CTDP1: variants seen among roughly 807,000 people sequenced by gnomAD.
CTDP1 encodes CTD phosphatase 1.
A neutral mutation model predicts 91.8 loss-of-function variants in CTDP1; 47 were observed. The ratio of observed to expected loss-of-function variants is 0.51; its 90% CI spans 0.41 to 0.65. The LOEUF (loss-of-function observed/expected upper bound fraction) is 0.65. Ranked by LOEUF, CTDP1 falls within the 30% of genes least tolerant of loss-of-function variation. CTDP1 has a pLI of 0.00. For synonymous variants in CTDP1, 656 were observed against 598.5 expected (o/e 1.10, Z -1.40); for missense variants, 1,272 against 1,373.7 (o/e 0.93, Z 1.17).
In CTDP1 at chr18:79,753,792, C is replaced by CGCGGGCA; in HGVS notation, c.*11_*17dup. The stretch of plus-strand genomic sequence containing the variant: ...GCGGAGCTCAACGACCTCATGTGAG[C>CGCGGGCA]GCGGGCAGCGGGCAGGGACTGAAGC... On this transcript the variant is annotated 3_prime_UTR_variant, in exon 13 of 13. Transcript: ENST00000613122. 1 of 1,612,632 alleles carries CGCGGGCA rather than the reference C, an allele frequency of 6.2e-7. No individual in the cohort carries two copies. The highest frequency in any genetic ancestry group is 8.5e-7 in the Non-Finnish European group (1 of 1,179,794).
intron 5 of CTDP1, among the ~76,000 whole-genome samples, chr18:79,705,135 G>T (rs546291383): frequency 5.9e-5 from 9 of 152,308 alleles, no homozygotes; most frequent in African/African-American, 2.2e-4. Flanking sequence ...TGCGGTACTG[G>T]GTGGGCCGCT....
At position 79,705,151 on chromosome 18, in the gene CTDP1, A is replaced by C. The variant is rs189277002; in HGVS notation, c.772+234A>C. Among the ~76,000 whole-genome samples, 20 of 151,890 alleles carry C rather than the reference A, an allele frequency of 1.3e-4. No homozygotes were observed. The East Asian group carries it at 3.7e-3, about 28-fold the overall frequency. On this transcript the variant is annotated intron_variant, in intron 5 of 12. Coordinates refer to ENST00000613122, the MANE Select transcript of CTDP1 (RefSeq NM_004715.5). ...GCGGTACTGGGTGGGCCGCTTTGGG[A>C]GTTTGTCAGGACCACATGGGCACGT...
In CTDP1 at chr18:79,754,118, G is replaced by A. The variant is rs556118541; in HGVS notation, c.*328G>A. The A allele has an allele frequency of 3.5e-5, 14 of 401,966 alleles. No individual in the cohort carries two copies. Among genetic ancestry groups the A allele is most frequent in the South Asian group, 2.4e-4 (11 of 46,580 alleles). 24.9% of individuals were successfully genotyped at this position (401,966 alleles called of 1,614,324 possible). A position where few individuals can be genotyped will look rare whatever the true frequency, so the allele number is the denominator to read the frequency against. ...GTGTGTTTTCCCCTTGTGTACCAGA[G>A]CACATTCCTTAGGGGACGGCTTTGG... On this transcript the variant is annotated 3_prime_UTR_variant, in exon 13 of 13. Transcript: ENST00000613122.
chr18:79,756,459 T>C (rs756097528), downstream of CTDP1: 1 of 152,262 alleles, frequency 6.6e-6, no homozygotes, highest in Non-Finnish European at 1.5e-5. Flanking sequence ...GTGTGTGTTC[T>C]ACACAAAAGA....
In CTDP1 at chr18:79,713,986, C is replaced by T. The variant is rs1158353181; in HGVS notation, c.1031-505C>T. On this transcript the variant is annotated intron_variant, in intron 7 of 12. Coordinates refer to ENST00000613122, the MANE Select transcript of CTDP1 (RefSeq NM_004715.5). The surrounding 1 kb of genome is among the most constrained non-coding windows in gnomAD (Gnocchi z 4.7). ...GTGGCGCCAGGTCTGCAGGGGCTTACGGCCACGGTGGTGCCAGGTCTGCAG... is the reference window on the plus strand; with the variant it reads ...GTGGCGCCAGGTCTGCAGGGGCTTATGGCCACGGTGGTGCCAGGTCTGCAG... 1.8e-5 allele frequency among the ~76,000 whole-genome samples: 2 copies of T among 108,900 alleles called. No homozygotes were observed. Among genetic ancestry groups the T allele is most frequent in the African/African-American group, 3.1e-5 (1 of 32,376 alleles). 71.4% of individuals were successfully genotyped at this position (108,900 alleles called of 152,430 possible).
At chr18:79,743,028 C>A (rs2086809897) in intron 12 of CTDP1, among the ~76,000 whole-genome samples, 2 of 152,174 alleles carry the variant, frequency 1.3e-5, no homozygotes, top group African/African-American at 2.4e-5. Context: ...GTAACATTTG[C>A]CAGTAGCCGC....
intron 1 of CTDP1, among the ~76,000 whole-genome samples, chr18:79,689,652 G>A (rs1568174915): frequency 1.3e-5 from 2 of 152,250 alleles, no homozygotes; most frequent in Middle Eastern, 3.4e-3. Context: ...GTGATGGTGC[G>A]CACCTGCAGT....
At chr18:79,691,508 G>GGGAGGAGT (rs2085621646) in intron 1 of CTDP1, among the ~76,000 whole-genome samples, 1 of 124,118 alleles carries the variant, frequency 8.1e-6, no homozygotes, top group African/African-American at 2.9e-5. Flanking sequence ...CTCGGGGTGG[G>GGGAGGAGT]GAGGAGTGGA....
chr18:79,714,301 G>A (rs540763350), intron 7 of CTDP1, among the ~76,000 whole-genome samples, 190 bp from the exon 8 acceptor site: 66 of 152,240 alleles, frequency 4.3e-4, no homozygotes, highest in African/African-American at 1.5e-3. Flanking sequence ...TATCCAAAAC[G>A]TCCCTGGTCC....
At chr18:79,728,176 T>C (rs1411423152) in intron 10 of CTDP1, among the ~76,000 whole-genome samples, 1 of 152,178 alleles carries the variant, frequency 6.6e-6, no homozygotes, top group African/African-American at 2.4e-5. Flanking sequence ...CTCGGCTCAC[T>C]GCAACCTCTG....
intron 10 of CTDP1, among the ~76,000 whole-genome samples, chr18:79,728,376 A>G (rs1186919955): frequency 6.6e-6 from 1 of 152,230 alleles, no homozygotes; most frequent in Non-Finnish European, 1.5e-5. Flanking sequence ...CTGGCTTTAC[A>G]AGCATGAGCC....
At position 79,716,486 on chromosome 18, in the gene CTDP1, G is replaced by T. The variant is rs559135743; in HGVS notation, c.2068+958G>T. ...AGAGGCGGGCTTTCCGTGGAGCCCA[G>T]CGAGACCCTTGATCCCAGGAGAAAG... On this transcript the variant is annotated intron_variant, in intron 8 of 12. Coordinates refer to ENST00000613122, the MANE Select transcript of CTDP1 (RefSeq NM_004715.5). Among the ~76,000 whole-genome samples, 196 of 152,364 alleles carry T rather than the reference G, an allele frequency of 1.3e-3. 1 individual carries two copies. Among genetic ancestry groups the T allele is most frequent in the Non-Finnish European group, 2.2e-3 (150 of 68,030 alleles).
At position 79,750,504 on chromosome 18, in the gene CTDP1, TC is replaced by T. The variant is rs1302610700; in HGVS notation, c.2748-3141del. Among the ~76,000 whole-genome samples the T allele has an allele frequency of 1.1e-4, 16 of 150,640 alleles. No homozygotes were observed. The East Asian group carries it at 1.2e-3, about 11-fold the overall frequency. The stretch of plus-strand genomic sequence containing the variant: ...CTTCCCGCTACTCTGCCTTTTTTTT[TC>T]CCCCCCGAGACAGAGTCTCGCTCTG... On this transcript the variant is annotated intron_variant, in intron 12 of 12. Coordinates refer to ENST00000613122, the MANE Select transcript of CTDP1 (RefSeq NM_004715.5).
At chr18:79,717,064 G>A (rs1185316128) in intron 8 of CTDP1, among the ~76,000 whole-genome samples, 1 of 148,316 alleles carries the variant, frequency 6.7e-6, no homozygotes, top group Non-Finnish European at 1.5e-5. Context: ...GGTGGGTACA[G>A]CCGGGTGAGG....
At chr18:79,738,484 G>A (rs538004326) in intron 12 of CTDP1, among the ~76,000 whole-genome samples, 1 of 152,344 alleles carries the variant, frequency 6.6e-6, no homozygotes, top group Non-Finnish European at 1.5e-5. Context: ...CGGAGGAGCT[G>A]CTCCCAGCTT....
At position 79,700,638 on chromosome 18, in the gene CTDP1, G is replaced by A. The variant is rs146084358; in HGVS notation, c.621+2650G>A. Among the ~76,000 whole-genome samples the A allele has an allele frequency of 4.6e-5, 7 of 152,376 alleles. No homozygotes were observed. The East Asian group carries it at 9.6e-4, about 21-fold the overall frequency. The stretch of plus-strand genomic sequence containing the variant: ...TCCGTAACACAAAAGTGAAGGTGAA[G>A]CAGCAGGTGCTGTTGGAGAAACTGC... On this transcript the variant is annotated intron_variant, in intron 4 of 12. Transcript: ENST00000613122.
intron 12 of CTDP1, among the ~76,000 whole-genome samples, chr18:79,749,258 C>T (rs1450890205): frequency 6.6e-6 from 1 of 152,096 alleles, no homozygotes; most frequent in Non-Finnish European, 1.5e-5. Context: ...TCCCCCTCCT[C>T]TCCCTGCTTG....
At chr18:79,731,394 A>T (rs1045956567) in intron 11 of CTDP1, among the ~76,000 whole-genome samples, 1 of 152,136 alleles carries the variant, frequency 6.6e-6, no homozygotes, top group Admixed American at 6.5e-5. Flanking sequence ...GCCGTGGGGG[A>T]TGCTGCTCCC....
Position 79,717,950 on chromosome 18 carries a change from C to G in CTDP1, c.2351C>G (p.Thr784Arg). The G allele has an allele frequency of 6.2e-7, 1 of 1,613,468 alleles. No individual in the cohort carries two copies. Among genetic ancestry groups the G allele is most frequent in the African/African-American group, 1.3e-5 (1 of 75,046 alleles). ...YDSNTGKLIR[T>R]GARGPPAPSS... ...TCCAACACGGGGAAGCTCATCAGGACGGGCGCCCGGGGGCCCCCAGCACCC... is the reference window on the plus strand; with the variant it reads ...TCCAACACGGGGAAGCTCATCAGGAGGGGCGCCCGGGGGCCCCCAGCACCC... The change falls in exon 10 of 13, where the codon ACG (threonine) becomes AGG (arginine). Residue 784 changes from threonine to arginine, a missense_variant. Thr to Arg is a moderately conservative substitution (Grantham distance 71). Transcript: ENST00000613122.
Sources: gnomAD v4.1 joint callset for allele counts (sites outside exome capture counted in the v4.1 genomes callset) on GRCh38, gnomAD v4.1.1 for gene constraint, Gnocchi (gnomAD v3.1) non-coding constraint, MANE v1.5 for transcripts, NCBI Gene and HGNC (gene_info 2026-07-23, HGNC 2026-07-21) for gene names.